Variants in PHACTR3 observed in about 807,000 individuals in gnomAD.
PHACTR3 encodes the protein protein phosphatase 1, regulatory subunit 123.
PHACTR3 carries 16 observed loss-of-function variants against 66.8 expected under a neutral mutation model. The ratio of observed to expected loss-of-function variants is 0.24; its 90% confidence interval spans 0.16 to 0.36. PHACTR3 has a LOEUF of 0.36. PHACTR3 is among the 10% of genes least tolerant of loss of function. PHACTR3 has a pLI of 1.00. For missense variants in PHACTR3, 647 were observed against 719.9 expected (o/e 0.90, Z 1.16); for synonymous variants, 323 against 292.1 (o/e 1.11, Z -1.08).
intron 1 of PHACTR3, among the ~76,000 whole-genome samples, chr20:59,684,571 C>T (rs2146553060): frequency 6.6e-6 from 1 of 152,292 alleles, no homozygotes; most frequent in Non-Finnish European, 1.5e-5. Context: ...AGTCTGCTGT[C>T]ATAGGAAGCA....
At chr20:59,591,491 A>C (rs1260585029) in intron 1 of PHACTR3, among the ~76,000 whole-genome samples, 2 of 152,194 alleles carry the variant, frequency 1.3e-5, no homozygotes, top group Non-Finnish European at 2.9e-5. Flanking sequence ...TCAGGAAGAC[A>C]GCTGAGGTGT....
intron 7 of PHACTR3, among the ~76,000 whole-genome samples, chr20:59,802,598 G>C (rs190484927): frequency 6.6e-6 from 1 of 152,162 alleles, no homozygotes; most frequent in Non-Finnish European, 1.5e-5. Flanking sequence ...AGCCCCACAC[G>C]TTTGTGTCTG....
At chr20:59,772,381 G>A (rs893490460) in intron 5 of PHACTR3, among the ~76,000 whole-genome samples, 46 of 152,052 alleles carry the variant, frequency 3.0e-4, no homozygotes, top group African/African-American at 1.1e-3. Context: ...GAAGGAAGGT[G>A]GACACAGGCC....
chr20:59,584,343 A>T (rs911789206), intron 1 of PHACTR3, among the ~76,000 whole-genome samples: 45 of 146,730 alleles, frequency 3.1e-4, no homozygotes, highest in African/African-American at 1.1e-3. Flanking sequence ...TGATGAGTGC[A>T]TGTGCCTGTG....
Position 59,685,475 on chromosome 20 carries a change from G to A in PHACTR3, c.119-57632G>A, listed in dbSNP as rs111927842. On this transcript the variant is annotated intron_variant, in intron 1 of 12. Transcript: ENST00000371015. ...TAAGATGGTGGTGTTGAAAGGACCC[G>A]TCTGGTAGGGTTGTTCTGAAGGTTG... Among the ~76,000 whole-genome samples the A allele has an allele frequency of 9.3e-3, 1,411 of 152,274 alleles. 20 individuals are homozygous for A. The highest frequency in any genetic ancestry group is 0.032 in the African/African-American group (1,310 of 41,556).
intron 4 of PHACTR3, 142 bp downstream of exon 4, chr20:59,755,506 A>G: frequency 1.0e-6 from 1 of 960,684 alleles, no homozygotes. Flanking sequence ...AAGCGCTGCC[A>G]TGCTGTGCTG....
chr20:59,783,007 T>C (rs189269803), intron 7 of PHACTR3, among the ~76,000 whole-genome samples: 1 of 152,282 alleles, frequency 6.6e-6, no homozygotes, highest in East Asian at 1.9e-4. Context: ...AAAAAGTGAA[T>C]GCTAACGTGT....
intron 1 of PHACTR3, among the ~76,000 whole-genome samples, chr20:59,733,500 G>A (rs1034777534): frequency 6.6e-6 from 1 of 152,082 alleles, no homozygotes; most frequent in East Asian, 1.9e-4. Flanking sequence ...TTGCTTTAAA[G>A]GTTAACTTCT....
At chr20:59,774,757 T>TG (rs765005298) in intron 7 of PHACTR3, among the ~76,000 whole-genome samples, 4 of 149,866 alleles carry the variant, frequency 2.7e-5, no homozygotes, top group East Asian at 2.0e-4. Context: ...CATGTGTATG[T>TG]GAAAAAAAAA....
At chr20:59,696,835 C>A (rs545146439) in intron 1 of PHACTR3, among the ~76,000 whole-genome samples, 1 of 152,272 alleles carries the variant, frequency 6.6e-6, no homozygotes, top group Admixed American at 6.5e-5. Context: ...TGATGCATTT[C>A]CTCCCCAGCC....
intron 7 of PHACTR3, among the ~76,000 whole-genome samples, chr20:59,786,656 T>C (rs1230956997): frequency 2.0e-5 from 3 of 152,132 alleles, no homozygotes; most frequent in Admixed American, 6.5e-5. Flanking sequence ...CTCTGTGCCA[T>C]TGACGGGTGT....
At chr20:59,785,056 G>C (rs559605717) in intron 7 of PHACTR3, among the ~76,000 whole-genome samples, 3 of 152,310 alleles carry the variant, frequency 2.0e-5, no homozygotes, top group Middle Eastern at 3.4e-3. Context: ...GAGGGGCCAT[G>C]AGGAGGCTCA....
rs533411075 is a variant in PHACTR3, at chr20:59,631,761, A to G, written c.118+26629A>G. Among the ~76,000 whole-genome samples, 10 of 152,226 alleles carry G rather than the reference A, an allele frequency of 6.6e-5. No homozygotes were observed. In the South Asian group the frequency reaches 1.9e-3, roughly 29 times the overall value. ...CAAGGACACAGAGCCAGCCCCCAAA[A>G]CACCTCACTGCATTGTCCTCATTTT... On this transcript the variant is annotated intron_variant, in intron 1 of 12. Transcript: ENST00000371015.
chr20:59,623,244 C>T (rs576051157), intron 1 of PHACTR3, among the ~76,000 whole-genome samples: 28 of 152,128 alleles, frequency 1.8e-4, no homozygotes, highest in East Asian at 5.8e-4. Flanking sequence ...ATGTCGGCTC[C>T]GCATGGATCA....
intron 1 of PHACTR3, among the ~76,000 whole-genome samples, chr20:59,636,676 T>C (rs535789117): frequency 1.3e-5 from 2 of 152,324 alleles, no homozygotes; most frequent in African/African-American, 4.8e-5. Flanking sequence ...CTTGAGGTTG[T>C]TGTAAATAGA....
At chr20:59,595,581 A>G (rs935280767) in intron 1 of PHACTR3, among the ~76,000 whole-genome samples, 2 of 152,252 alleles carry the variant, frequency 1.3e-5, no homozygotes, top group East Asian at 3.8e-4. Flanking sequence ...AGTGGTTTAT[A>G]GATGTCTGTT....
At chr20:59,810,634 A>G (rs879537202) in intron 8 of PHACTR3, among the ~76,000 whole-genome samples, 3 of 152,168 alleles carry the variant, frequency 2.0e-5, no homozygotes, top group Admixed American at 2.0e-4. Context: ...TTTAATTTCC[A>G]GAACCTTCAT....
At chr20:59,632,835 C>T (rs1277830190) in intron 1 of PHACTR3, among the ~76,000 whole-genome samples, 2 of 152,214 alleles carry the variant, frequency 1.3e-5, no homozygotes, top group Non-Finnish European at 1.5e-5. Flanking sequence ...TAAGTGCATG[C>T]CCAGTCCCAG....
intron 1 of PHACTR3, among the ~76,000 whole-genome samples, chr20:59,741,005 G>T (rs944473685): frequency 6.6e-6 from 1 of 152,224 alleles, no homozygotes; most frequent in South Asian, 2.1e-4. Context: ...GGTCTGAGGG[G>T]CCTGGCCCAT....
Sources: gnomAD v4.1 joint callset for allele counts (sites outside exome capture counted in the v4.1 genomes callset) on GRCh38, gnomAD v4.1.1 for gene constraint, MANE v1.5 for transcripts, NCBI Gene and HGNC (gene_info 2026-07-23, HGNC 2026-07-21) for gene names.